PDE11A: variants seen among roughly 807,000 people sequenced by gnomAD.
The protein encoded by PDE11A is dual 3',5'-cyclic-AMP and -GMP phosphodiesterase 11A.
In PDE11A, 100 loss-of-function variants were observed where a neutral mutation model predicts 100.5. The observed-to-expected ratio is 1.00, with a 90% CI of 0.85 to 1.18. The LOEUF is 1.18. Ranked by LOEUF, PDE11A falls within the 50% of genes most tolerant of loss-of-function variation. The pLI is 0.00. For synonymous variants in PDE11A, 381 were observed against 420.8 expected (o/e 0.91, Z 1.16); for missense variants, 1,141 against 1,152.6 (o/e 0.99, Z 0.15).
At chr2:177,790,882 A>G (rs1304783286) in intron 9 of PDE11A, among the ~76,000 whole-genome samples, 1 of 152,204 alleles carries the variant, frequency 6.6e-6, no homozygotes, top group Admixed American at 6.5e-5. Context: ...AAAAGTCAGG[A>G]AACAACAGGT....
chr2:177,911,712 C>T (rs1466335710), intron 2 of PDE11A, among the ~76,000 whole-genome samples: 3 of 151,984 alleles, frequency 2.0e-5, no homozygotes, highest in African/African-American at 7.3e-5. Context: ...GGTGAAACCC[C>T]GTCTCTACCA....
chr2:177,846,601 C>A (rs1399282491), intron 5 of PDE11A, among the ~76,000 whole-genome samples: 1 of 152,202 alleles, frequency 6.6e-6, no homozygotes, highest in Admixed American at 6.5e-5. Context: ...GCTGTTGGGA[C>A]AGAACATGGT....
At chr2:177,845,595 T>C (rs1454040902) in intron 5 of PDE11A, among the ~76,000 whole-genome samples, 4 of 147,624 alleles carry the variant, frequency 2.7e-5, no homozygotes, top group Non-Finnish European at 4.5e-5. Flanking sequence ...GATGGGTGGC[T>C]GGGCAGAGAC....
chr2:177,883,354 T>G (rs1033610085), intron 4 of PDE11A, among the ~76,000 whole-genome samples: 1 of 152,168 alleles, frequency 6.6e-6, no homozygotes, highest in South Asian at 2.1e-4. Flanking sequence ...CAATTTACTC[T>G]AATCATTTAT....
At chr2:177,995,967 C>A (rs2105813829) in intron 2 of PDE11A, among the ~76,000 whole-genome samples, 1 of 152,332 alleles carries the variant, frequency 6.6e-6, no homozygotes, top group East Asian at 1.9e-4. Context: ...TGGCTCAAGC[C>A]TGTAATCCCA....
chr2:177,794,658 G>C (rs1292700024), intron 9 of PDE11A, among the ~76,000 whole-genome samples: 1 of 152,136 alleles, frequency 6.6e-6, no homozygotes, highest in African/African-American at 2.4e-5. Context: ...TTCTTTGGAT[G>C]AATCTAATTC....
At position 177,840,258 on chromosome 2, in the gene PDE11A, T is replaced by C; in HGVS notation, c.1493A>G (p.Asp498Gly). The change falls in exon 6 of 20, where the codon GAT becomes GGT. Residue 498 changes from aspartate (D) to glycine (G), a missense_variant. Asp to Gly is a moderately conservative substitution (Grantham distance 94). Transcript: ENST00000286063. ...CAGAGGGGCTCCTCTTACCTCTGCATCAAAGCGCGGATCCTGGTAGGCATC... is the reference window on the plus strand; with the variant it reads ...CAGAGGGGCTCCTCTTACCTCTGCACCAAAGCGCGGATCCTGGTAGGCATC... Reference protein sequence around the residue: ...ISDAYQDPRFDAEADQISGFH... With the variant: ...ISDAYQDPRFGAEADQISGFH... 1 of 1,614,144 alleles carries C rather than the reference T, an allele frequency of 6.2e-7. No individual in the cohort carries two copies. Among genetic ancestry groups the C allele is most frequent in the Non-Finnish European group, 8.5e-7 (1 of 1,179,994 alleles).
intron 1 of PDE11A, among the ~76,000 whole-genome samples, chr2:178,025,201 G>A (rs1018783825): frequency 1.3e-5 from 2 of 152,190 alleles, no homozygotes; most frequent in Non-Finnish European, 2.9e-5. Context: ...AATTGTTTCT[G>A]AAGCTTCACT....
At chr2:177,638,003 T>A (rs1263375638) in intron 19 of PDE11A, among the ~76,000 whole-genome samples, 6,284 of 116,102 alleles carry the variant, frequency 0.054, 286 homozygotes, top group East Asian at 0.089. Flanking sequence ...ATATATTTTT[T>A]TTTTTTTTTT....
In PDE11A at chr2:177,802,849, G is replaced by T. The variant is rs186999009; in HGVS notation, c.1737+13980C>A. 2.0e-5 allele frequency among the ~76,000 whole-genome samples: 3 copies of T among 152,028 alleles called. No homozygotes were observed. In the East Asian group the frequency reaches 5.8e-4, roughly 29 times the overall value. On this transcript the variant is annotated intron_variant, in intron 9 of 19. Coordinates refer to ENST00000286063, the MANE Select transcript of PDE11A (RefSeq NM_016953.4). The stretch of plus-strand genomic sequence containing the variant: ...TAGATTACCAAAACAAAAAGATTAT[G>T]CCTAACCAAATGTTATGAATACAGG...
At chr2:177,993,857 C>G (rs2086034855) in intron 2 of PDE11A, among the ~76,000 whole-genome samples, 1 of 151,962 alleles carries the variant, frequency 6.6e-6, no homozygotes, top group Non-Finnish European at 1.5e-5. Flanking sequence ...CAATTCTTAC[C>G]TACCTCATAA....
At chr2:177,777,985 T>A (rs2082401388) in intron 9 of PDE11A, among the ~76,000 whole-genome samples, 1 of 152,224 alleles carries the variant, frequency 6.6e-6, no homozygotes, top group South Asian at 2.1e-4. Context: ...CTAAAATAAA[T>A]CACTATTTGC....
intron 19 of PDE11A, among the ~76,000 whole-genome samples, chr2:177,631,776 G>A (rs1020630474): frequency 2.6e-4 from 39 of 151,194 alleles, no homozygotes; most frequent in Middle Eastern, 3.4e-3. Flanking sequence ...CATCTCCAGG[G>A]TCTGAAAGAA....
intron 6 of PDE11A, among the ~76,000 whole-genome samples, chr2:177,833,960 G>C (rs2083350189): frequency 6.6e-6 from 1 of 152,198 alleles, no homozygotes; most frequent in Non-Finnish European, 1.5e-5. Context: ...TGCACTGGGG[G>C]AATGGTGTGG....
At chr2:177,759,110 C>T (rs575519098) in intron 10 of PDE11A, among the ~76,000 whole-genome samples, 3 of 151,762 alleles carry the variant, frequency 2.0e-5, no homozygotes, top group African/African-American at 7.2e-5. Flanking sequence ...GCCATGAGAT[C>T]CTTTTGTAAA....
At chr2:177,745,715 T>C (rs1054230967) in intron 10 of PDE11A, among the ~76,000 whole-genome samples, 5 of 152,178 alleles carry the variant, frequency 3.3e-5, no homozygotes, top group African/African-American at 1.2e-4. Flanking sequence ...GAACACCCTG[T>C]CCCCAGTGGT....
At chr2:177,937,500 G>C (rs1032401860) in intron 2 of PDE11A, among the ~76,000 whole-genome samples, 6 of 151,882 alleles carry the variant, frequency 4.0e-5, no homozygotes, top group Non-Finnish European at 1.5e-5. Context: ...TGTATTTTCA[G>C]CAGAGACGGG....
chr2:177,746,716 T>A (rs939789642), intron 10 of PDE11A, among the ~76,000 whole-genome samples: 2 of 152,158 alleles, frequency 1.3e-5, no homozygotes, highest in African/African-American at 2.4e-5. Flanking sequence ...GCTTCACTTG[T>A]CAGTGTGAGA....
intron 2 of PDE11A, among the ~76,000 whole-genome samples, chr2:177,968,389 T>A (rs2085725531): frequency 6.6e-6 from 1 of 152,214 alleles, no homozygotes; most frequent in Non-Finnish European, 1.5e-5. Context: ...TAGATTTTGA[T>A]TGATTCCTAT....
Sources: gnomAD v4.1 joint callset for allele counts (sites outside exome capture counted in the v4.1 genomes callset) on GRCh38, gnomAD v4.1.1 for gene constraint, MANE v1.5 for transcripts, NCBI Gene and HGNC (gene_info 2026-07-23, HGNC 2026-07-21) for gene names.